PCDHGB6: variants seen among roughly 807,000 people sequenced by gnomAD.
PCDHGB6 encodes the protein protocadherin gamma-B6.
Under a neutral mutation model 59.1 loss-of-function variants are expected in PCDHGB6, and 51 were observed. The observed-to-expected ratio is 0.86, with a 90% confidence interval of 0.69 to 1.09. The LOEUF (loss-of-function observed/expected upper bound fraction) is 1.09. Ranked by LOEUF, PCDHGB6 falls within the 50% of genes least tolerant of loss-of-function variation. PCDHGB6 has a pLI of 0.00. For synonymous variants in PCDHGB6, 466 were observed against 495.1 expected (o/e 0.94, Z 0.78); for missense variants, 1,148 against 1,205.1 (o/e 0.95, Z 0.70).
In PCDHGB6 at chr5:141,431,509, C is replaced by T. The variant is rs774558486; in HGVS notation, c.2418+20889C>T. The T allele has an allele frequency of 3.1e-6, 5 of 1,613,992 alleles. 1 individual carries two copies. In the Admixed American group the frequency reaches 5.0e-5, roughly 16 times the overall value. On this transcript the variant is annotated intron_variant, in intron 1 of 3. Coordinates refer to ENST00000520790, the MANE Select transcript of PCDHGB6 (RefSeq NM_018926.3). This position sits in a 1 kb window ranked among gnomAD's most constrained non-coding sequence, Gnocchi z 4.8. ...TTGCTCAGCCCGAGTACCGCGCGAG[C>T]GTTCCGGAGAATCTGGCCTTGGGCA...
rs1408248560 is a variant in PCDHGB6 at position 141,475,829 on chromosome 5, G to C, written c.2419-18978G>C. On this transcript the variant is annotated intron_variant, in intron 1 of 3. Coordinates refer to ENST00000520790, the MANE Select transcript of PCDHGB6 (RefSeq NM_018926.3). ...AAAGTGAAGTTCCTGGCGCTAGCGC[G>C]TGTCCTGCTCAGAGAGCCCGGCGCT... The C allele has an allele frequency of 1.0e-5, 4 of 386,748 alleles. No individual in the cohort carries two copies. In the South Asian group the frequency reaches 1.4e-4, roughly 14 times the overall value. The allele number at this position is 386,748 out of a possible 1,614,324, so 24.0% of individuals were successfully genotyped here. A position where few individuals can be genotyped will look rare whatever the true frequency, so the allele number is the denominator to read the frequency against.
intron 1 of PCDHGB6, among the ~76,000 whole-genome samples, chr5:141,450,894 G>A (rs919860611): frequency 2.7e-5 from 4 of 148,956 alleles, no homozygotes; most frequent in Admixed American, 1.3e-4. Context: ...GTGCGATATC[G>A]GCTCACTGCA....
chr5:141,408,933 G>C lies in PCDHGB6; in HGVS notation c.731G>C (p.Arg244Thr). 6.2e-7 allele frequency: 1 copy of C among 1,613,550 alleles called. No homozygotes were observed. The highest frequency in any genetic ancestry group is 1.1e-5 in the South Asian group (1 of 91,048). ...DTNDNPPVFS[R>T]DEYRISLSEN... ...AATGATAACCCCCCGGTTTTCAGCA[G>C]AGACGAATATAGAATTAGTCTTAGT... Residue 244 changes from arginine (R) to threonine (T), a missense_variant, in exon 1 of 4, where the codon AGA becomes ACA. Physicochemically the swap from Arg to Thr is moderately conservative, Grantham distance 71 (BLOSUM62 -1). Transcript: ENST00000520790.
chr5:141,476,738 C>T lies in PCDHGB6; in HGVS notation c.2419-18069C>T. 6.2e-7 allele frequency: 1 copy of T among 1,614,076 alleles called. No individual in the cohort carries two copies. The highest frequency in any genetic ancestry group is 2.2e-5 in the East Asian group (1 of 44,880). On this transcript the variant is annotated intron_variant, in intron 1 of 3. Transcript: ENST00000520790. This position sits in a 1 kb window ranked among gnomAD's most constrained non-coding sequence, Gnocchi z 7.6. Reference sequence around the variant, plus strand: ...GCGCGCCCTGGACCGAGAACGGGAGCCTAGTCTCCAGTTAGTGCTGACGGC... The same window carrying T: ...GCGCGCCCTGGACCGAGAACGGGAGTCTAGTCTCCAGTTAGTGCTGACGGC...
chr5:141,475,300 T>C (rs1383092136), intron 1 of PCDHGB6, among the ~76,000 whole-genome samples: 3 of 152,332 alleles, frequency 2.0e-5, no homozygotes, highest in South Asian at 2.1e-4. Context: ...AATTTCTTAT[T>C]GCTCCCTGGT....
chr5:141,447,135 GT>G (rs905717632), intron 1 of PCDHGB6, among the ~76,000 whole-genome samples: 1 of 151,698 alleles, frequency 6.6e-6, no homozygotes, highest in South Asian at 2.1e-4. Flanking sequence ...TTGTTTGTTT[GT>G]TTTTTGTTTT....
At position 141,511,112 on chromosome 5, in the gene PCDHGB6, G is replaced by A. The variant is rs767257788; in HGVS notation, c.2732G>A (p.Gly911Asp). The change falls in exon 4 of 4, where the codon GGC (glycine) becomes GAC (aspartate). Residue 911 changes from glycine (G) to aspartate (D), a missense_variant. Transcript: ENST00000520790. ...ACCAACGCAGCTGGCAAGCGGGATGGCAAGGCCCCAGCAGGTGGCAATGGC... is the reference window on the plus strand; with the variant it reads ...ACCAACGCAGCTGGCAAGCGGGATGACAAGGCCCCAGCAGGTGGCAATGGC... The part of the protein sequence containing the change: ...TLTNAAGKRD[G>D]KAPAGGNGNK... 1 of 1,614,232 alleles carries A rather than the reference G, an allele frequency of 6.2e-7. No individual in the cohort carries two copies.
At chr5:141,474,345 G>A (rs541613646) in intron 1 of PCDHGB6, among the ~76,000 whole-genome samples, 7 of 152,124 alleles carry the variant, frequency 4.6e-5, no homozygotes, top group African/African-American at 7.2e-5. Flanking sequence ...TTGTTAAAAT[G>A]TAAGTCATGT....
Position 141,511,451 on chromosome 5 carries a change from A to G in PCDHGB6, c.*278A>G, listed in dbSNP as rs2099883797. On this transcript the variant is annotated 3_prime_UTR_variant, in exon 4 of 4. Coordinates refer to ENST00000520790, the MANE Select transcript of PCDHGB6 (RefSeq NM_018926.3). ...GGGGTTACTGTAGACACCAAGAACC[A>G]TTTGCCACACCCCGTTTAGTTACAG... is the stretch of plus-strand genomic sequence containing the variant. The G allele has an allele frequency of 4.9e-6, 3 of 606,372 alleles. No homozygotes were observed. Among genetic ancestry groups the G allele is most frequent in the Non-Finnish European group, 8.1e-6 (3 of 368,942 alleles). The allele number at this position is 606,372 out of a possible 1,614,324, so 37.6% of individuals were successfully genotyped here.
Position 141,487,399 on chromosome 5 carries a change from G to A in PCDHGB6, c.2419-7408G>A. 1.2e-6 allele frequency: 2 copies of A among 1,614,140 alleles called. No homozygotes were observed. Among genetic ancestry groups the A allele is most frequent in the South Asian group, 1.1e-5 (1 of 91,088 alleles). On this transcript the variant is annotated intron_variant, in intron 1 of 3. Coordinates refer to ENST00000520790, the MANE Select transcript of PCDHGB6 (RefSeq NM_018926.3). The surrounding 1 kb of genome is among the most constrained non-coding windows in gnomAD (Gnocchi z 5.0). ...TCACCAGATCTCGAAGGAGGGAGGGGCTTCCCCCTTCCAATGGGATCCTCC... is the reference window on the plus strand; with the variant it reads ...TCACCAGATCTCGAAGGAGGGAGGGACTTCCCCCTTCCAATGGGATCCTCC...
chr5:141,489,210 G>C lies in PCDHGB6; in HGVS notation c.2419-5597G>C. ...TCTACCTTGGAGACAGGACAGCACA[G>C]ACTTACTCTCCACAAAGGGACTTCT... On this transcript the variant is annotated intron_variant, in intron 1 of 3. Coordinates refer to ENST00000520790, the MANE Select transcript of PCDHGB6 (RefSeq NM_018926.3). This position sits in a 1 kb window ranked among gnomAD's most constrained non-coding sequence, Gnocchi z 4.5. 6.8e-7 allele frequency: 1 copy of C among 1,461,860 alleles called. No individual in the cohort carries two copies. Among genetic ancestry groups the C allele is most frequent in the African/African-American group, 1.4e-5 (1 of 70,802 alleles). 90.6% of individuals were successfully genotyped at this position (1,461,860 alleles called of 1,614,324 possible).
rs533857281 is a variant in PCDHGB6 at position 141,429,742 on chromosome 5, T to C, written c.2418+19122T>C. Among the ~76,000 whole-genome samples the C allele has an allele frequency of 3.8e-4, 58 of 152,336 alleles. 1 individual carries two copies. Among genetic ancestry groups the C allele is most frequent in the Admixed American group, 2.0e-4 (3 of 15,302 alleles). Reference sequence around the variant, plus strand: ...ATGAAAGTACGTAGCCAGTTATTTCTTAGGGAGAATTTTTTCCCTATATTT... The same window carrying C: ...ATGAAAGTACGTAGCCAGTTATTTCCTAGGGAGAATTTTTTCCCTATATTT... On this transcript the variant is annotated intron_variant, in intron 1 of 3. Transcript: ENST00000520790.
intron 2 of PCDHGB6, among the ~76,000 whole-genome samples, chr5:141,498,397 G>A (rs1019408022): frequency 1.3e-5 from 2 of 152,136 alleles, no homozygotes; most frequent in African/African-American, 4.8e-5. Flanking sequence ...GAATGGCAGG[G>A]AGTTTTCTCT....
chr5:141,427,693 C>A, intron 1 of PCDHGB6: 2 of 909,726 alleles, frequency 2.2e-6, no homozygotes, highest in East Asian at 2.5e-5. Context: ...GCCTCCATCC[C>A]ACAAGTCAGC....
Position 141,490,909 on chromosome 5 carries a change from G to T in PCDHGB6, c.2419-3898G>T. 4 of 1,613,744 alleles carry T rather than the reference G, an allele frequency of 2.5e-6. No individual in the cohort carries two copies. Among genetic ancestry groups the T allele is most frequent in the Non-Finnish European group, 3.4e-6 (4 of 1,179,762 alleles). ...ATCTCTGCATGTGTTTGTCCTAGAC[G>T]AGAATGATAATGCCCCAGCTGTGCT... On this transcript the variant is annotated intron_variant, in intron 1 of 3. Transcript: ENST00000520790. The surrounding 1 kb of genome is among the most constrained non-coding windows in gnomAD (Gnocchi z 5.4).
chr5:141,414,828 G>T (rs780047810), intron 1 of PCDHGB6: 1 of 1,614,210 alleles, frequency 6.2e-7, no homozygotes, highest in East Asian at 2.2e-5. Context: ...GCAACGTGTC[G>T]TTGAGCCTGT....
intron 1 of PCDHGB6, among the ~76,000 whole-genome samples, chr5:141,434,824 A>ACTTG (rs1561875192): frequency 1.3e-5 from 2 of 151,888 alleles, no homozygotes; most frequent in African/African-American, 4.8e-5. Flanking sequence ...CCCTTAGTAC[A>ACTTG]CTTGGCATTT....
intron 3 of PCDHGB6, among the ~76,000 whole-genome samples, chr5:141,506,441 T>C (rs1940889203): frequency 9.8e-6 from 1 of 101,930 alleles, no homozygotes; most frequent in South Asian, 3.0e-4. Flanking sequence ...TCTCGCTCTG[T>C]CTCAAAAAAA....
At chr5:141,438,583 CATACATACATATATATATATATATATAT>C (rs1227221577) in intron 1 of PCDHGB6, among the ~76,000 whole-genome samples, 1 of 57,610 alleles carries the variant, frequency 1.7e-5, no homozygotes, top group African/African-American at 9.0e-5. Flanking sequence ...TACATACATA[CATACATACATATATATATATATATATAT>C]ATATATATAT....
Sources: allele counts gnomAD v4.1 joint callset (sites outside exome capture counted in the v4.1 genomes callset), GRCh38; gene constraint gnomAD v4.1.1; non-coding constraint Gnocchi (gnomAD v3.1); transcripts MANE v1.5; gene names NCBI Gene and HGNC (gene_info 2026-07-23, HGNC 2026-07-21).